CCDC3: variants seen among roughly 807,000 people sequenced by gnomAD.
CCDC3 encodes the protein coiled-coil domain-containing protein 3.
Under a neutral mutation model 21.4 loss-of-function variants are expected in CCDC3, and 24 were observed. That is an observed-to-expected ratio of 1.12 (90% CI 0.81 to 1.58). The LOEUF (loss-of-function observed/expected upper bound fraction) is 1.58. Ranked by LOEUF, CCDC3 falls within the 40% of genes most tolerant of loss-of-function variation. CCDC3 has a pLI of 0.00. For synonymous variants in CCDC3, 186 were observed against 166.0 expected, an observed-to-expected ratio of 1.12 and a Z score of -0.93; for missense variants, 425 against 360.9, an observed-to-expected ratio of 1.18 and a Z score of -1.44.
chr10:13,047,456 G>A (rs1363490119), intron 5 of CCDC3, among the ~76,000 whole-genome samples: 1 of 152,260 alleles, frequency 6.6e-6, no homozygotes, highest in Non-Finnish European at 1.5e-5. Flanking sequence ...AGGACAAAAA[G>A]TTTGGGGAAA....
At chr10:13,016,334 G>GAAAAAA (rs72075391) in intron 5 of CCDC3, among the ~76,000 whole-genome samples, 3 of 78,372 alleles carry the variant, frequency 3.8e-5, no homozygotes, top group Non-Finnish European at 5.0e-5. Flanking sequence ...TTGGTAAAGC[G>GAAAAAA]AAAAAAAAAA....
At chr10:13,036,623 G>A (rs1007757410) in intron 5 of CCDC3, among the ~76,000 whole-genome samples, 6 of 151,242 alleles carry the variant, frequency 4.0e-5, no homozygotes, top group Non-Finnish European at 5.9e-5. Context: ...TAGCTGGGAC[G>A]ACAGGTGCAC....
rs1554753179 is a variant in CCDC3, at chr10:12,910,611, A to AAAAT, written c.550-11933_550-11932insATTT. Among the ~76,000 whole-genome samples the AAAAT allele has an allele frequency of 1.9e-3, 200 of 105,194 alleles. 2 individuals carry two copies. Among genetic ancestry groups the AAAAT allele is most frequent in the African/African-American group, 4.2e-3 (113 of 26,776 alleles). 69.0% of individuals were successfully genotyped at this position (105,194 alleles called of 152,430 possible). A position where few individuals can be genotyped will look rare whatever the true frequency, so the allele number is the denominator to read the frequency against. On this transcript the variant is annotated intron_variant, in intron 2 of 2. Coordinates refer to ENST00000378825, the MANE Select transcript of CCDC3 (RefSeq NM_031455.4). ...AGTCAGAGCAAAAAAAAAAAAAAAA[A>AAAAT]TTTTTTTTTTTTTTTTGACACAGAG... is the stretch of plus-strand genomic sequence containing the variant.
chr10:12,923,206 C>T (rs562202998), intron 2 of CCDC3, among the ~76,000 whole-genome samples: 23 of 152,108 alleles, frequency 1.5e-4, no homozygotes, highest in Non-Finnish European at 7.3e-5. Flanking sequence ...GGGTGCTGTT[C>T]GTCTGTTTGG....
chr10:13,043,104 G>C (rs915915623), intron 5 of CCDC3, among the ~76,000 whole-genome samples: 3 of 151,976 alleles, frequency 2.0e-5, no homozygotes, highest in African/African-American at 7.3e-5. Flanking sequence ...GGGGGTACAT[G>C]TCAGGTTTGT....
chr10:13,047,627 A>G (rs986757439), intron 5 of CCDC3, among the ~76,000 whole-genome samples: 49 of 152,238 alleles, frequency 3.2e-4, no homozygotes, highest in African/African-American at 1.1e-3. Flanking sequence ...ACATATAAAG[A>G]GACTTCAGTA....
chr10:12,997,977 G>A (rs890717248), intron 2 of CCDC3, among the ~76,000 whole-genome samples: 3 of 152,044 alleles, frequency 2.0e-5, no homozygotes, highest in African/African-American at 7.2e-5. Flanking sequence ...ATTTGTGTTG[G>A]GCCACATTCA....
chr10:12,985,601 G>C (rs539238324), intron 2 of CCDC3, among the ~76,000 whole-genome samples: 104 of 152,266 alleles, frequency 6.8e-4, no homozygotes, highest in Non-Finnish European at 1.1e-3. Flanking sequence ...AGCAATGAAA[G>C]GGAATCCAGT....
intron 4 of CCDC3, among the ~76,000 whole-genome samples, chr10:13,066,162 G>T (rs1019470524): frequency 3.5e-5 from 5 of 143,048 alleles, no homozygotes; most frequent in Non-Finnish European, 7.7e-5. Context: ...CACCCTAGGT[G>T]ATTTTTTTTT....
chr10:12,998,283 C>T, intron 2 of CCDC3, 55 bp downstream of exon 2: 2 of 1,554,136 alleles, frequency 1.3e-6, no homozygotes, highest in South Asian at 1.2e-5. Context: ...AAAATTCACA[C>T]AAGGTGTAGC....
chr10:12,948,728 G>GTTTTTTTTTTTT (rs72323989), intron 2 of CCDC3, among the ~76,000 whole-genome samples: 2 of 91,072 alleles, frequency 2.2e-5, no homozygotes, highest in African/African-American at 4.2e-5. Flanking sequence ...TTTTAAGGCA[G>GTTTTTTTTTTTT]TTTTTTTTTT....
In CCDC3 at chr10:12,975,227, T is replaced by C. The variant is rs555219434; in HGVS notation, c.549+23111A>G. Among the ~76,000 whole-genome samples the C allele has an allele frequency of 5.3e-5, 8 of 152,282 alleles. No individual in the cohort carries two copies. In the East Asian group the frequency reaches 1.5e-3, roughly 29 times the overall value. Reference sequence around the variant, plus strand: ...CTTGCTCTAACAAATGTCTTCTGTGTAGGGTCTTTGACGCCTCTGCCCATT... The same window carrying C: ...CTTGCTCTAACAAATGTCTTCTGTGCAGGGTCTTTGACGCCTCTGCCCATT... On this transcript the variant is annotated intron_variant, in intron 2 of 2. Coordinates refer to ENST00000378825, the MANE Select transcript of CCDC3 (RefSeq NM_031455.4).
intron 2 of CCDC3, among the ~76,000 whole-genome samples, chr10:12,940,418 T>C (rs957501267): frequency 2.0e-5 from 3 of 152,100 alleles, no homozygotes; most frequent in Admixed American, 1.3e-4. Context: ...GAGAGTTATA[T>C]TAGGAATGGA....
At chr10:13,023,430 C>T (rs1836173762) in intron 5 of CCDC3, among the ~76,000 whole-genome samples, 1 of 152,082 alleles carries the variant, frequency 6.6e-6, no homozygotes, top group Admixed American at 6.6e-5. Flanking sequence ...TCTGGGGTTT[C>T]AGTTCTCCTA....
chr10:13,013,345 T>G (rs942817614), intron 5 of CCDC3, among the ~76,000 whole-genome samples: 1 of 152,028 alleles, frequency 6.6e-6, no homozygotes, highest in Non-Finnish European at 1.5e-5. Flanking sequence ...AGAAAGGGAG[T>G]GCTGAAAGAA....
chr10:13,064,750 T>C (rs1045635987), intron 4 of CCDC3, among the ~76,000 whole-genome samples: 1 of 152,152 alleles, frequency 6.6e-6, no homozygotes, highest in Non-Finnish European at 1.5e-5. Flanking sequence ...CAGGGGCCAC[T>C]GCACTCCAGC....
intron 2 of CCDC3, among the ~76,000 whole-genome samples, chr10:12,992,656 G>A (rs530023478): frequency 1.3e-5 from 2 of 152,174 alleles, no homozygotes; most frequent in South Asian, 2.1e-4. Flanking sequence ...TCGGTGGGAA[G>A]GGTGGGAGAG....
chr10:12,934,060 T>TA (rs1834695786), intron 2 of CCDC3, among the ~76,000 whole-genome samples: 1 of 152,346 alleles, frequency 6.6e-6, no homozygotes, highest in South Asian at 2.1e-4. Context: ...TCTTCTTTCC[T>TA]AATATATGCA....
chr10:12,948,428 G>A (rs533449220), intron 2 of CCDC3, among the ~76,000 whole-genome samples: 2 of 151,768 alleles, frequency 1.3e-5, no homozygotes, highest in East Asian at 3.9e-4. Context: ...GTGATATCAT[G>A]GTGAAGAGTT....
Sources: allele counts gnomAD v4.1 joint callset (sites outside exome capture counted in the v4.1 genomes callset), GRCh38; gene constraint gnomAD v4.1.1; transcripts MANE v1.5; gene names NCBI Gene and HGNC (gene_info 2026-07-23, HGNC 2026-07-21).